The following WDFY3 variants were observed in gnomAD, a reference collection of about 807,000 sequenced individuals.
WDFY3 encodes the protein WD repeat and FYVE domain-containing protein 3.
WDFY3 carries 66 observed loss-of-function variants against 409.6 expected under a neutral mutation model. The observed-to-expected ratio is 0.16, with a 90% confidence interval of 0.13 to 0.20. WDFY3 has a LOEUF of 0.20. Ranked by LOEUF, WDFY3 falls within the 10% of genes least tolerant of loss-of-function variation. The probability of loss-of-function intolerance (pLI) is 1.00; values close to 1 mark genes in which losing one functional copy is unlikely to be tolerated. For missense variants in WDFY3, 3,031 were observed against 4,298.1 expected, an observed-to-expected ratio of 0.71 and a Z score of 8.24; for synonymous variants, 1,521 against 1,537.1, an observed-to-expected ratio of 0.99 and a Z score of 0.25.
intron 17 of WDFY3, among the ~76,000 whole-genome samples, chr4:84,798,938 G>A (rs188334105): frequency 9.2e-5 from 14 of 151,616 alleles, no homozygotes; most frequent in South Asian, 2.1e-4. Flanking sequence ...CCATACATGA[G>A]ATGATTTCTA....
chr4:84,951,857 G>A (rs1773654429), intron 1 of WDFY3, among the ~76,000 whole-genome samples: 1 of 152,180 alleles, frequency 6.6e-6, no homozygotes, highest in African/African-American at 2.4e-5. Context: ...GAAGAAGAAA[G>A]GCTGGAATAT....
At chr4:84,886,038 T>C (rs868173730) in intron 3 of WDFY3, among the ~76,000 whole-genome samples, 8 of 152,230 alleles carry the variant, frequency 5.3e-5, no homozygotes, top group East Asian at 3.9e-4. Flanking sequence ...CTTAGAAACA[T>C]AGTGATGGGT....
At chr4:84,918,167 G>C (rs1005186783) in intron 2 of WDFY3, among the ~76,000 whole-genome samples, 4 of 152,084 alleles carry the variant, frequency 2.6e-5, no homozygotes, top group Non-Finnish European at 5.9e-5. Context: ...AAACTACATA[G>C]GCATTTACCA....
intron 67 of WDFY3, among the ~76,000 whole-genome samples, chr4:84,676,791 G>A (rs1726375703): frequency 6.6e-6 from 1 of 152,138 alleles, no homozygotes; most frequent in Non-Finnish European, 1.5e-5. Context: ...AAGTAAAGCT[G>A]AGAACACCAA....
chr4:84,894,163 C>T (rs1765305892), intron 3 of WDFY3, among the ~76,000 whole-genome samples: 1 of 151,946 alleles, frequency 6.6e-6, no homozygotes, highest in African/African-American at 2.4e-5. Flanking sequence ...AACGGATATG[C>T]AATGAAGAGA....
chr4:84,673,043 T>C (rs1448011139), intron 67 of WDFY3, 52 bp from the exon 68 acceptor site: 1 of 1,608,406 alleles, frequency 6.2e-7, no homozygotes, highest in Non-Finnish European at 8.5e-7. Flanking sequence ...TGCTTGATCA[T>C]GGGCACCGGA....
intron 44 of WDFY3, among the ~76,000 whole-genome samples, chr4:84,732,549 C>T (rs1736777511): frequency 6.6e-6 from 1 of 152,096 alleles, no homozygotes; most frequent in Non-Finnish European, 1.5e-5. Context: ...ACTTCTTGGC[C>T]TCTGGAAACC....
intron 58 of WDFY3, among the ~76,000 whole-genome samples, chr4:84,695,520 AG>A (rs1729979933): frequency 7.1e-6 from 1 of 141,580 alleles, no homozygotes; most frequent in Non-Finnish European, 1.5e-5. Flanking sequence ...AGAGAGAGAG[AG>A]AGAGAGAGAG....
intron 3 of WDFY3, among the ~76,000 whole-genome samples, chr4:84,895,498 G>A (rs1765515397): frequency 1.3e-5 from 2 of 152,174 alleles, no homozygotes; most frequent in South Asian, 2.1e-4. Flanking sequence ...GGTTGGCCAA[G>A]TAGTTCTGCA....
At chr4:84,921,086 TA>T in intron 2 of WDFY3, among the ~76,000 whole-genome samples, 1 of 152,142 alleles carries the variant, frequency 6.6e-6, no homozygotes, top group East Asian at 1.9e-4. Context: ...CCAACACTAA[TA>T]AAATATATTA....
intron 2 of WDFY3, among the ~76,000 whole-genome samples, chr4:84,911,117 C>A (rs1767719997): frequency 6.6e-6 from 1 of 152,108 alleles, no homozygotes; most frequent in Admixed American, 6.6e-5. Flanking sequence ...AGGACACTAT[C>A]AACAGAGTAA....
At chr4:84,756,892 T>A in intron 33 of WDFY3, 34 bp downstream of exon 33, 1 of 1,592,358 alleles carries the variant, frequency 6.3e-7, no homozygotes, top group Non-Finnish European at 8.6e-7. Flanking sequence ...TTGGAATACG[T>A]AATTTCACGC....
intron 32 of WDFY3, among the ~76,000 whole-genome samples, chr4:84,762,177 G>A (rs372262887): frequency 3.1e-4 from 47 of 151,418 alleles, no homozygotes; most frequent in Middle Eastern, 6.8e-3. Context: ...TGTTTATTGC[G>A]GCACTATTCA....
At chr4:84,687,158 T>C (rs1199727515) in intron 62 of WDFY3, among the ~76,000 whole-genome samples, 5 of 152,242 alleles carry the variant, frequency 3.3e-5, no homozygotes, top group Admixed American at 1.3e-4. Context: ...TTCTTCTTTT[T>C]TTTGAGACTG....
chr4:84,675,885 T>C (rs1001752111), intron 67 of WDFY3, among the ~76,000 whole-genome samples: 4 of 152,174 alleles, frequency 2.6e-5, no homozygotes, highest in African/African-American at 9.6e-5. Flanking sequence ...TGACCTTTCA[T>C]ATGGGGGAAA....
intron 2 of WDFY3, among the ~76,000 whole-genome samples, chr4:84,921,856 C>A (rs1769334659): frequency 6.7e-6 from 1 of 149,798 alleles, no homozygotes; most frequent in Non-Finnish European, 1.5e-5. Context: ...AAGGTTTCAC[C>A]ATCTTAGCCA....
At position 84,859,215 on chromosome 4, in the gene WDFY3, T is replaced by A. The variant is rs1453860706; in HGVS notation, c.180+1197A>T. ...TAAAGGTAGTATAGTATAAGGTTCA[T>A]CTTTGAATAAATTTAAATTTATATC... On this transcript the variant is annotated intron_variant, in intron 4 of 67. Coordinates refer to ENST00000295888, the MANE Select transcript of WDFY3 (RefSeq NM_014991.6). Among the ~76,000 whole-genome samples, 5 of 152,334 alleles carry A rather than the reference T, an allele frequency of 3.3e-5. No individual in the cohort carries two copies. The East Asian group carries it at 9.6e-4, about 29-fold the overall frequency.
At chr4:84,844,658 G>A in intron 5 of WDFY3, 1 of 443,114 alleles carries the variant, frequency 2.3e-6, no homozygotes, top group Non-Finnish European at 3.8e-6. Flanking sequence ...GTTTAACAGT[G>A]GCACCTAGCA....
Position 84,679,640 on chromosome 4 carries a change from C to A in WDFY3, c.9824-398G>T, listed in dbSNP as rs376502637. Among the ~76,000 whole-genome samples, 3 of 151,998 alleles carry A rather than the reference C, an allele frequency of 2.0e-5. No individual in the cohort carries two copies. The South Asian group carries it at 6.2e-4, about 31-fold the overall frequency. On this transcript the variant is annotated intron_variant, in intron 64 of 67. Coordinates refer to ENST00000295888, the MANE Select transcript of WDFY3 (RefSeq NM_014991.6). ...GCTGGTGCCGCCTAGACCCATCTTT[C>A]CAATCTCTGTGGGTTCCGATGTCAC...
Sources: gnomAD v4.1 joint callset for allele counts (sites outside exome capture counted in the v4.1 genomes callset) on GRCh38, gnomAD v4.1.1 for gene constraint, MANE v1.5 for transcripts, NCBI Gene and HGNC (gene_info 2026-07-23, HGNC 2026-07-21) for gene names.